The following PTPRD variants were observed in gnomAD, a reference collection of about 807,000 sequenced individuals.
PTPRD encodes the protein receptor-type tyrosine-protein phosphatase delta.
PTPRD carries 34 observed loss-of-function variants against 214.5 expected under a neutral mutation model. That is an observed-to-expected ratio of 0.16 (90% confidence interval 0.12 to 0.21). The LOEUF is 0.21. Among genes scored for constraint, PTPRD ranks in the 10% least tolerant of loss-of-function variants. The probability of loss-of-function intolerance (pLI) is 1.00; values close to 1 mark genes in which losing one functional copy is unlikely to be tolerated. For missense variants in PTPRD, 2,545 were observed against 2,398.7 expected (o/e 1.06, Z -1.27); for synonymous variants, 1,128 against 845.7 (o/e 1.33, Z -5.79).
intron 44 of PTPRD, among the ~76,000 whole-genome samples, chr9:8,323,819 A>G (rs559413563): frequency 6.6e-6 from 1 of 152,336 alleles, no homozygotes; most frequent in South Asian, 2.1e-4. Flanking sequence ...TTAATAGAAA[A>G]GCAGCAGGGT....
At chr9:8,936,563 G>A (rs1481275589) in intron 11 of PTPRD, among the ~76,000 whole-genome samples, 1 of 151,474 alleles carries the variant, frequency 6.6e-6, no homozygotes, top group Non-Finnish European at 1.5e-5. Context: ...GTTTTCAGTA[G>A]TTCATCTCTA....
At position 8,852,124 on chromosome 9, in the gene PTPRD, T is replaced by G. The variant is rs201235405; in HGVS notation, c.-103-118178A>C. On this transcript the variant is annotated intron_variant, in intron 11 of 45. Transcript: ENST00000381196. ...CATTACAGAGGATCACTTTATGTAT[T>G]TGAAAGTACAATTTCTCCAAACCCC... Among the ~76,000 whole-genome samples, 28 of 152,330 alleles carry G rather than the reference T, an allele frequency of 1.8e-4. No homozygotes were observed. The East Asian group carries it at 5.2e-3, about 28-fold the overall frequency.
intron 12 of PTPRD, among the ~76,000 whole-genome samples, chr9:8,721,039 AT>A (rs33958683): frequency 0.11 from 15,127 of 138,098 alleles, 2,139 homozygotes; most frequent in African/African-American, 0.34. Flanking sequence ...TGACCCTTGG[AT>A]TTTTTTTTTT....
At chr9:8,991,147 A>G (rs2099364930) in intron 11 of PTPRD, among the ~76,000 whole-genome samples, 1 of 147,696 alleles carries the variant, frequency 6.8e-6, no homozygotes, top group African/African-American at 2.5e-5. Flanking sequence ...TGAACACGGG[A>G]GGTGGAGGCT....
intron 3 of PTPRD, among the ~76,000 whole-genome samples, chr9:10,060,882 TTCCTTCCTTCCTTCC>T (rs1567406606): frequency 2.5e-5 from 2 of 79,592 alleles, no homozygotes; most frequent in African/African-American, 1.6e-4. Flanking sequence ...CCTTCCTTCC[TTCCTTCCTTCCTTCC>T]TTCTTTCTTT....
chr9:9,748,792 G>C (rs764222827), intron 6 of PTPRD, among the ~76,000 whole-genome samples: 2 of 152,180 alleles, frequency 1.3e-5, no homozygotes, highest in Non-Finnish European at 2.9e-5. Context: ...ATTTCATTTG[G>C]AGATTTATGT....
At chr9:9,916,843 A>G (rs188202894) in intron 5 of PTPRD, among the ~76,000 whole-genome samples, 15 of 152,158 alleles carry the variant, frequency 9.9e-5, no homozygotes, top group African/African-American at 3.6e-4. Flanking sequence ...ACAAGTTTAA[A>G]TATTTTTTAA....
chr9:10,499,211 A>G (rs1219615316), intron 2 of PTPRD, among the ~76,000 whole-genome samples: 1 of 151,886 alleles, frequency 6.6e-6, no homozygotes, highest in Non-Finnish European at 1.5e-5. Flanking sequence ...ACACATACCA[A>G]GCTTGAGGTT....
chr9:10,200,102 G>A (rs1564481023), intron 3 of PTPRD, among the ~76,000 whole-genome samples: 4 of 151,964 alleles, frequency 2.6e-5, no homozygotes, highest in South Asian at 2.1e-4. Context: ...ATTTTGTGAC[G>A]TGCAATATGT....
chr9:10,442,329 A>C (rs1404892284), intron 2 of PTPRD, among the ~76,000 whole-genome samples: 2 of 151,694 alleles, frequency 1.3e-5, no homozygotes. Flanking sequence ...AAGATTTCTG[A>C]ATAGGTTTTA....
intron 9 of PTPRD, among the ~76,000 whole-genome samples, chr9:9,238,244 C>T (rs1053737134): frequency 9.9e-5 from 15 of 152,154 alleles, no homozygotes; most frequent in Admixed American, 7.9e-4. Flanking sequence ...CTGTGTTTTG[C>T]ATTGCCTAAT....
chr9:9,981,004 G>T (rs142372901), intron 4 of PTPRD, among the ~76,000 whole-genome samples: 6 of 152,208 alleles, frequency 3.9e-5, no homozygotes, highest in Non-Finnish European at 8.8e-5. Context: ...CATTTAACCT[G>T]AATATGTTTA....
chr9:9,497,469 A>G (rs1250826036), intron 8 of PTPRD, among the ~76,000 whole-genome samples: 1 of 152,168 alleles, frequency 6.6e-6, no homozygotes, highest in Non-Finnish European at 1.5e-5. Flanking sequence ...GCAGCTCATT[A>G]TCATCCCCCT....
At chr9:9,825,614 T>C (rs1480800670) in intron 5 of PTPRD, among the ~76,000 whole-genome samples, 1 of 151,982 alleles carries the variant, frequency 6.6e-6, no homozygotes, top group Non-Finnish European at 1.5e-5. Context: ...CACCATTAAC[T>C]AGTTGTCTGA....
chr9:10,150,211 T>A (rs1236592053), intron 3 of PTPRD, among the ~76,000 whole-genome samples: 1 of 152,050 alleles, frequency 6.6e-6, no homozygotes, highest in East Asian at 1.9e-4. Context: ...AATATAAAGG[T>A]TTACCAATAA....
chr9:9,791,780 A>G (rs904243302), intron 5 of PTPRD, among the ~76,000 whole-genome samples: 1 of 152,180 alleles, frequency 6.6e-6, no homozygotes, highest in Non-Finnish European at 1.5e-5. Flanking sequence ...CTATTTACAA[A>G]AATCGAGAAA....
At chr9:9,320,266 T>TC (rs761096896) in intron 9 of PTPRD, among the ~76,000 whole-genome samples, 1 of 152,126 alleles carries the variant, frequency 6.6e-6, no homozygotes, top group Non-Finnish European at 1.5e-5. Flanking sequence ...ACTTTTTTTT[T>TC]CCCTCACATA....
chr9:9,353,711 G>A (rs1391353237), intron 9 of PTPRD, among the ~76,000 whole-genome samples: 2 of 151,694 alleles, frequency 1.3e-5, no homozygotes, highest in East Asian at 1.9e-4. Context: ...GTAAAACAGA[G>A]AAATAAAAAC....
intron 7 of PTPRD, among the ~76,000 whole-genome samples, chr9:9,725,208 G>T (rs184987158): frequency 6.6e-5 from 10 of 152,210 alleles, no homozygotes; most frequent in African/African-American, 2.4e-4. Flanking sequence ...GATCTGGTAA[G>T]AGATAACTGA....
Sources: gnomAD v4.1 joint callset for allele counts (sites outside exome capture counted in the v4.1 genomes callset) on GRCh38, gnomAD v4.1.1 for gene constraint, MANE v1.5 for transcripts, NCBI Gene and HGNC (gene_info 2026-07-23, HGNC 2026-07-21) for gene names.